MAP2K1: variants seen among roughly 807,000 people sequenced by gnomAD.
MAP2K1 encodes mitogen-activated protein kinase kinase 1.
A neutral mutation model predicts 46.3 loss-of-function variants in MAP2K1; 16 were observed. The observed-to-expected ratio is 0.35, with a 90% CI of 0.23 to 0.52. The LOEUF is 0.52. Ranked by LOEUF, MAP2K1 falls within the 20% of genes least tolerant of loss-of-function variation. MAP2K1 has a pLI of 0.94. For synonymous variants in MAP2K1, 183 were observed against 185.6 expected (o/e 0.99, Z 0.11); for missense variants, 263 against 497.1 (o/e 0.53, Z 4.48).
intron 1 of MAP2K1, among the ~76,000 whole-genome samples, chr15:66,433,781 C>T (rs1595860235): frequency 6.6e-6 from 1 of 152,194 alleles, no homozygotes; most frequent in African/African-American, 2.4e-5. Flanking sequence ...CCACCCCACA[C>T]AATTGTCACT....
chr15:66,421,161 G>A (rs1423092289), intron 1 of MAP2K1, among the ~76,000 whole-genome samples: 1 of 146,828 alleles, frequency 6.8e-6, no homozygotes, highest in African/African-American at 2.5e-5. Context: ...TCTGAAACAG[G>A]GTCTCACTTT....
chr15:66,406,377 T>G (rs889184753), intron 1 of MAP2K1, among the ~76,000 whole-genome samples: 2 of 152,216 alleles, frequency 1.3e-5, no homozygotes, highest in Non-Finnish European at 2.9e-5. Flanking sequence ...TAGATGCTAT[T>G]AAAAGGCATT....
intron 1 of MAP2K1, among the ~76,000 whole-genome samples, chr15:66,400,157 C>G (rs1245030696): frequency 6.6e-6 from 1 of 151,930 alleles, no homozygotes; most frequent in Non-Finnish European, 1.5e-5. Context: ...TTTAAACAAA[C>G]AAACTAGCAA....
chr15:66,388,272 A>G (rs2093347541), intron 1 of MAP2K1, among the ~76,000 whole-genome samples: 1 of 152,190 alleles, frequency 6.6e-6, no homozygotes, highest in African/African-American at 2.4e-5. Flanking sequence ...CTGAGCTCCC[A>G]CAACTCTCTT....
At chr15:66,453,796 GT>G (rs1892095903) in intron 5 of MAP2K1, among the ~76,000 whole-genome samples, 1 of 152,044 alleles carries the variant, frequency 6.6e-6, no homozygotes, top group African/African-American at 2.4e-5. Flanking sequence ...TAGCTTAGTG[GT>G]TTTTTTCTCT....
chr15:66,454,289 G>GT (rs1892108855), intron 5 of MAP2K1, among the ~76,000 whole-genome samples: 1 of 148,662 alleles, frequency 6.7e-6, no homozygotes, highest in South Asian at 2.1e-4. Context: ...ATGGTGGCCC[G>GT]TTTTTTTCCA....
In MAP2K1 at chr15:66,470,094, G is replaced by GTTTTT. The variant is rs55637393; in HGVS notation, c.569-11641_569-11637dup. Among the ~76,000 whole-genome samples, 426 of 76,592 alleles carry GTTTTT rather than the reference G, an allele frequency of 5.6e-3. 3 individuals carry two copies. The highest frequency in any genetic ancestry group is 8.1e-3 in the Non-Finnish European group (337 of 41,860). 50.2% of individuals were successfully genotyped at this position (76,592 alleles called of 152,430 possible). A position where few individuals can be genotyped will look rare whatever the true frequency, so the allele number is the denominator to read the frequency against. The stretch of plus-strand genomic sequence containing the variant: ...CTCCACCATGCCACTTTTTTTTCTT[G>GTTTTT]TTTTTTTTTTTTTTTTTTTTTTTTG... On this transcript the variant is annotated intron_variant, in intron 5 of 10. Coordinates refer to ENST00000307102, the MANE Select transcript of MAP2K1 (RefSeq NM_002755.4).
At chr15:66,449,277 G>A (rs1891971221) in intron 5 of MAP2K1, among the ~76,000 whole-genome samples, 1 of 152,132 alleles carries the variant, frequency 6.6e-6, no homozygotes, top group South Asian at 2.1e-4. Flanking sequence ...TTCAAACAAT[G>A]GAGTACAACT....
Position 66,491,258 on chromosome 15 carries a change from TA to T in MAP2K1, c.*644del. On this transcript the variant is annotated 3_prime_UTR_variant, in exon 11 of 11. Coordinates refer to ENST00000307102, the MANE Select transcript of MAP2K1 (RefSeq NM_002755.4). ...ATCTGTAGACTTCTGGTTGTATTTC[TA>T]TATTTATTTTCAGTATACTGTGTGG... 4.2e-6 allele frequency: 1 copy of T among 238,174 alleles called. No individual in the cohort carries two copies. The highest frequency in any genetic ancestry group is 8.3e-6 in the Non-Finnish European group (1 of 120,606). 14.8% of individuals were successfully genotyped at this position (238,174 alleles called of 1,614,324 possible). A position where few individuals can be genotyped will look rare whatever the true frequency, so the allele number is the denominator to read the frequency against.
intron 1 of MAP2K1, among the ~76,000 whole-genome samples, chr15:66,390,846 C>T (rs1330256950): frequency 6.6e-6 from 1 of 152,112 alleles, no homozygotes; most frequent in Non-Finnish European, 1.5e-5. Flanking sequence ...TTCCACCACA[C>T]TAGTCCTCTT....
intron 1 of MAP2K1, among the ~76,000 whole-genome samples, chr15:66,425,686 C>G (rs2093456306): frequency 6.6e-6 from 1 of 152,170 alleles, no homozygotes; most frequent in Non-Finnish European, 1.5e-5. Context: ...AGGGTATCTA[C>G]ATAGATCATA....
chr15:66,440,490 T>A (rs2093500794), intron 3 of MAP2K1, among the ~76,000 whole-genome samples: 1 of 152,256 alleles, frequency 6.6e-6, no homozygotes, highest in East Asian at 1.9e-4. Flanking sequence ...AGAAATAAGC[T>A]CTGTGTGCAC....
chr15:66,395,862 G>A (rs1337703993), intron 1 of MAP2K1, among the ~76,000 whole-genome samples: 2 of 151,550 alleles, frequency 1.3e-5, no homozygotes, highest in South Asian at 2.1e-4. Flanking sequence ...CAGGCGCCTG[G>A]CCCTCTTGCA....
chr15:66,420,759 GTATGTGTGTA>G lies in MAP2K1; in HGVS notation c.81-14264_81-14255del, dbSNP rs2093437076. Among the ~76,000 whole-genome samples, 249 of 40,090 alleles carry G rather than the reference GTATGTGTGTA, an allele frequency of 6.2e-3. 40 individuals are homozygous for G. Among genetic ancestry groups the G allele is most frequent in the East Asian group, 0.032 (55 of 1,708 alleles). 26.3% of individuals were successfully genotyped at this position (40,090 alleles called of 152,430 possible). On this transcript the variant is annotated intron_variant, in intron 1 of 10. Transcript: ENST00000307102. ...TGTGTGTGTGTGTGTGTGTGTGTGT[GTATGTGTGTA>G]TATATATGTGTATATATATGTGTGT...
intron 1 of MAP2K1, among the ~76,000 whole-genome samples, chr15:66,413,044 C>T (rs368779306): frequency 3.5e-4 from 54 of 152,150 alleles, no homozygotes; most frequent in Middle Eastern, 3.4e-3. Flanking sequence ...TACAGGTGCT[C>T]GCCACCACGC....
intron 1 of MAP2K1, among the ~76,000 whole-genome samples, chr15:66,397,414 G>A (rs984330138): frequency 8.5e-5 from 13 of 152,152 alleles, no homozygotes; most frequent in African/African-American, 3.1e-4. Flanking sequence ...GGGAAGTAGG[G>A]TGGGAGAGCA....
intron 5 of MAP2K1, among the ~76,000 whole-genome samples, chr15:66,472,924 A>G (rs941092559): frequency 7.9e-5 from 12 of 152,178 alleles, no homozygotes; most frequent in South Asian, 2.1e-4. Context: ...ACTCTGGCCT[A>G]TCTTCTTTTG....
chr15:66,446,440 C>CAAA, intron 5 of MAP2K1: 1 of 123,348 alleles, frequency 8.1e-6, no homozygotes. Flanking sequence ...GACTCCGTCT[C>CAAA]AAAAAAAAAA....
intron 7 of MAP2K1, among the ~76,000 whole-genome samples, chr15:66,486,914 T>G (rs1478130423): frequency 6.6e-6 from 1 of 152,214 alleles, no homozygotes; most frequent in East Asian, 1.9e-4. Flanking sequence ...CTATCTCATT[T>G]GTGCCTCTCT....
Sources: allele counts gnomAD v4.1 joint callset (sites outside exome capture counted in the v4.1 genomes callset), GRCh38; gene constraint gnomAD v4.1.1; transcripts MANE v1.5; gene names NCBI Gene and HGNC (gene_info 2026-07-23, HGNC 2026-07-21).